The following RTL10 variants were observed in gnomAD, a reference collection of about 807,000 sequenced individuals.
The protein encoded by RTL10 is protein Bop.
For missense variants in RTL10, 477 were observed against 470.7 expected, an observed-to-expected ratio of 1.01 and a Z score of -0.12; for synonymous variants, 199 against 188.4, an observed-to-expected ratio of 1.06 and a Z score of -0.46.
chr22:19,852,100 G>A lies in RTL10; in HGVS notation c.162C>T (p.Asp54=), dbSNP rs940913326. 2 of 1,614,102 alleles carry A rather than the reference G, an allele frequency of 1.2e-6. No homozygotes were observed. The highest frequency in any genetic ancestry group is 1.7e-6 in the Non-Finnish European group (2 of 1,180,048). ...DPWIERPCCG[D]TVCVRTTMEQ... ...CCATGGTCGTTCGCACACACACGGTGTCCCCACAGCAGGGCCGCTCAATCC... is the reference window on the plus strand; with the variant it reads ...CCATGGTCGTTCGCACACACACGGTATCCCCACAGCAGGGCCGCTCAATCC... The change falls in exon 3 of 3, where the codon GAC becomes GAT. Residue 54 remains aspartate (D), a synonymous_variant. Transcript: ENST00000328554.
In RTL10 at chr22:19,847,803, G is replaced by GAAAAAAAAAAAAAAAA. The variant is rs1468350618; in HGVS notation, c.*3363_*3364insTTTTTTTTTTTTTTTT. 84 of 440,382 alleles carry GAAAAAAAAAAAAAAAA rather than the reference G, an allele frequency of 1.9e-4. 4 individuals carry two copies. In the East Asian group the frequency reaches 2.5e-3, roughly 13 times the overall value. The allele number at this position is 440,382 out of a possible 1,614,324, so 27.3% of individuals were successfully genotyped here. ...AACTTTTAAAATCCTGGAATCATAG[G>GAAAAAAAAAAAAAAAA]CAAAAAAAAAAAAAAAAAAAAATTC... On this transcript the variant is annotated 3_prime_UTR_variant, in exon 3 of 3. Coordinates refer to ENST00000328554, the MANE Select transcript of RTL10 (RefSeq NM_024627.6).
Position 19,847,747 on chromosome 22 carries a change from TCTC to T in RTL10, c.*3417_*3419del. ...CACCAACAGTATGAGAAGGTCCACT[TCTC>T]CATACCTCCACAACTCTGGGCATCT... On this transcript the variant is annotated 3_prime_UTR_variant, in exon 3 of 3. Transcript: ENST00000328554. The T allele has an allele frequency of 1.0e-6, 1 of 972,204 alleles. No homozygotes were observed. Among genetic ancestry groups the T allele is most frequent in the Non-Finnish European group, 1.2e-6 (1 of 825,794 alleles). 60.2% of individuals were successfully genotyped at this position (972,204 alleles called of 1,614,324 possible). A position where few individuals can be genotyped will look rare whatever the true frequency, so the allele number is the denominator to read the frequency against.
In RTL10 at chr22:19,848,500, C is replaced by CTGTCTGGA; in HGVS notation, c.*2659_*2666dup. On this transcript the variant is annotated 3_prime_UTR_variant, in exon 3 of 3. Coordinates refer to ENST00000328554, the MANE Select transcript of RTL10 (RefSeq NM_024627.6). ...CTCTGAAAGGAGCTGTGTGCACTGCCTGTCTGGAAGGCCATGCCAGAGTCC... is the reference window on the plus strand; with the variant it reads ...CTCTGAAAGGAGCTGTGTGCACTGCCTGTCTGGATGTCTGGAAGGCCATGCCAGAGTCC... The CTGTCTGGA allele has an allele frequency of 1.0e-6, 1 of 985,510 alleles. No homozygotes were observed. The highest frequency in any genetic ancestry group is 1.1e-4 in the East Asian group (1 of 8,816). The allele number at this position is 985,510 out of a possible 1,614,324, so 61.0% of individuals were successfully genotyped here.
chr22:19,853,129 C>T (rs563685667), intron 2 of RTL10, among the ~76,000 whole-genome samples: 2 of 152,124 alleles, frequency 1.3e-5, no homozygotes, highest in African/African-American at 4.8e-5. Flanking sequence ...TCCAAATTCA[C>T]CTCTCACAAC....
chr22:19,848,943 G>T lies in RTL10; in HGVS notation c.*2224C>A, dbSNP rs909756365. 1.8e-5 allele frequency: 18 copies of T among 985,400 alleles called. No individual in the cohort carries two copies. The African/African-American group carries it at 3.0e-4, about 16-fold the overall frequency. The allele number at this position is 985,400 out of a possible 1,614,324, so 61.0% of individuals were successfully genotyped here. On this transcript the variant is annotated 3_prime_UTR_variant, in exon 3 of 3. Coordinates refer to ENST00000328554, the MANE Select transcript of RTL10 (RefSeq NM_024627.6). ...TGTCCATCCTAGAGAGCAACTCTGG[G>T]TTCTACTGCCAGACCCACAGGTGAG...
Position 19,849,987 on chromosome 22 carries a change from C to T in RTL10, c.*1180G>A, listed in dbSNP as rs555829269. ...TCATTCCATTCCTCTGGGCCTGGGG[C>T]CTCACAGCTCTGGACTGCTGCCTGG... On this transcript the variant is annotated 3_prime_UTR_variant, in exon 3 of 3. Transcript: ENST00000328554. The T allele has an allele frequency of 1.0e-6, 1 of 985,522 alleles. No homozygotes were observed. Among genetic ancestry groups the T allele is most frequent in the East Asian group, 1.1e-4 (1 of 8,816 alleles). The allele number at this position is 985,522 out of a possible 1,614,324, so 61.0% of individuals were successfully genotyped here.
intron 2 of RTL10, among the ~76,000 whole-genome samples, chr22:19,853,477 C>A (rs188487002): frequency 2.0e-4 from 30 of 152,288 alleles, no homozygotes; most frequent in African/African-American, 6.7e-4. Context: ...CAAACGGAGG[C>A]CCACTCACGA....
chr22:19,846,383 C>T lies in RTL10; in HGVS notation c.*4784G>A, dbSNP rs935888090. The T allele has an allele frequency of 1.0e-6, 1 of 978,102 alleles. No homozygotes were observed. Among genetic ancestry groups the T allele is most frequent in the African/African-American group, 1.8e-5 (1 of 57,054 alleles). 60.6% of individuals were successfully genotyped at this position (978,102 alleles called of 1,614,324 possible). A position where few individuals can be genotyped will look rare whatever the true frequency, so the allele number is the denominator to read the frequency against. ...GATTTCTTAAGTGAGAAACAGCATCCCATACAGCACAACTGGGCACTGCCT... is the reference window on the plus strand; with the variant it reads ...GATTTCTTAAGTGAGAAACAGCATCTCATACAGCACAACTGGGCACTGCCT... On this transcript the variant is annotated 3_prime_UTR_variant, in exon 3 of 3. Coordinates refer to ENST00000328554, the MANE Select transcript of RTL10 (RefSeq NM_024627.6).
In RTL10 at chr22:19,849,659, T is replaced by A; in HGVS notation, c.*1508A>T. ...TGGGATTACAGGTGTGAGACACTGCTCCCGGCCAGTTTCTGAATAAGTTTA... is the reference window on the plus strand; with the variant it reads ...TGGGATTACAGGTGTGAGACACTGCACCCGGCCAGTTTCTGAATAAGTTTA... On this transcript the variant is annotated 3_prime_UTR_variant, in exon 3 of 3. Transcript: ENST00000328554. The A allele has an allele frequency of 1.0e-6, 1 of 984,370 alleles. No individual in the cohort carries two copies. Among genetic ancestry groups the A allele is most frequent in the South Asian group, 4.7e-5 (1 of 21,272 alleles). 61.0% of individuals were successfully genotyped at this position (984,370 alleles called of 1,614,324 possible).
At position 19,847,512 on chromosome 22, in the gene RTL10, G is replaced by A. The variant is rs2145902249; in HGVS notation, c.*3655C>T. On this transcript the variant is annotated 3_prime_UTR_variant, in exon 3 of 3. Transcript: ENST00000328554. The stretch of plus-strand genomic sequence containing the variant: ...TAACCACCCCATGAGGAAAAACTCT[G>A]GTCACAGCTCAAAAAGGTCAGGTAA... The A allele has an allele frequency of 1.0e-6, 1 of 985,356 alleles. No homozygotes were observed. 61.0% of individuals were successfully genotyped at this position (985,356 alleles called of 1,614,324 possible).
chr22:19,849,815 T>C lies in RTL10; in HGVS notation c.*1352A>G, dbSNP rs1938052448. ...TCACAATTGTAAACCTGAAAGGGAC[T>C]TGAACTTCTTGTCCAAGCACCAGAG... is the stretch of plus-strand genomic sequence containing the variant. On this transcript the variant is annotated 3_prime_UTR_variant, in exon 3 of 3. Transcript: ENST00000328554. 2.0e-6 allele frequency: 2 copies of C among 985,486 alleles called. No homozygotes were observed. Among genetic ancestry groups the C allele is most frequent in the Non-Finnish European group, 1.2e-6 (1 of 829,946 alleles). The allele number at this position is 985,486 out of a possible 1,614,324, so 61.0% of individuals were successfully genotyped here. A position where few individuals can be genotyped will look rare whatever the true frequency, so the allele number is the denominator to read the frequency against.
chr22:19,847,568 G>A lies in RTL10; in HGVS notation c.*3599C>T. The A allele has an allele frequency of 1.0e-6, 1 of 985,228 alleles. No individual in the cohort carries two copies. The allele number at this position is 985,228 out of a possible 1,614,324, so 61.0% of individuals were successfully genotyped here. ...CTCAGCTCATGCGGGGAGGGGAGGA[G>A]GCAAGGCCAACCTCCAGTCCCTGCT... On this transcript the variant is annotated 3_prime_UTR_variant, in exon 3 of 3. Transcript: ENST00000328554.
At position 19,847,898 on chromosome 22, in the gene RTL10, TAA is replaced by T; in HGVS notation, c.*3267_*3268del. ...CTTTAATCTGGAATATGTACTGGCA[TAA>T]AGAGTGAGGCACATACATGGCTTTA... On this transcript the variant is annotated 3_prime_UTR_variant, in exon 3 of 3. Coordinates refer to ENST00000328554, the MANE Select transcript of RTL10 (RefSeq NM_024627.6). The T allele has an allele frequency of 2.0e-6, 2 of 982,026 alleles. No individual in the cohort carries two copies. Among genetic ancestry groups the T allele is most frequent in the Non-Finnish European group, 2.4e-6 (2 of 827,370 alleles). 60.8% of individuals were successfully genotyped at this position (982,026 alleles called of 1,614,324 possible). A position where few individuals can be genotyped will look rare whatever the true frequency, so the allele number is the denominator to read the frequency against.
At position 19,851,325 on chromosome 22, in the gene RTL10, T is replaced by C. The variant is rs1050651990; in HGVS notation, c.937A>G (p.Arg313Gly). 8 of 1,613,998 alleles carry C rather than the reference T, an allele frequency of 5.0e-6. No homozygotes were observed. The highest frequency in any genetic ancestry group is 1.7e-5 in the Admixed American group (1 of 59,998). ...LSESANPPAQ[R>G]PDPAHPGGPK... Reference sequence around the variant, plus strand: ...CCTCCTGGATGAGCTGGGTCTGGTCTCTGGGCAGGAGGATTAGCTGACTCC... The same window carrying C: ...CCTCCTGGATGAGCTGGGTCTGGTCCCTGGGCAGGAGGATTAGCTGACTCC... The change falls in exon 3 of 3, where the codon AGA (arginine) becomes GGA (glycine). Residue 313 changes from arginine to glycine, a missense_variant. By Grantham distance (125) the Arg-to-Gly change is moderately radical (BLOSUM62 -2). Transcript: ENST00000328554.
intron 2 of RTL10, among the ~76,000 whole-genome samples, chr22:19,852,827 GC>G (rs1938141123): frequency 6.6e-6 from 1 of 152,134 alleles, no homozygotes; most frequent in Non-Finnish European, 1.5e-5. Context: ...TGTCTTTGAG[GC>G]ACACAGTGGT....
Position 19,846,960 on chromosome 22 carries a change from C to T in RTL10, c.*4207G>A, listed in dbSNP as rs780646002. On this transcript the variant is annotated 3_prime_UTR_variant, in exon 3 of 3. Coordinates refer to ENST00000328554, the MANE Select transcript of RTL10 (RefSeq NM_024627.6). ...ATGGATGCAGGCCCCTCCCATCCTCCCATCCTCAGCAGCACCAACCAGCCC... is the reference window on the plus strand; with the variant it reads ...ATGGATGCAGGCCCCTCCCATCCTCTCATCCTCAGCAGCACCAACCAGCCC... 2.0e-6 allele frequency: 2 copies of T among 985,494 alleles called. No homozygotes were observed. The highest frequency in any genetic ancestry group is 2.4e-6 in the Non-Finnish European group (2 of 829,984). 61.0% of individuals were successfully genotyped at this position (985,494 alleles called of 1,614,324 possible).
chr22:19,846,880 G>A lies in RTL10; in HGVS notation c.*4287C>T. The A allele has an allele frequency of 1.0e-6, 1 of 957,020 alleles. No homozygotes were observed. The highest frequency in any genetic ancestry group is 1.2e-6 in the Non-Finnish European group (1 of 803,886). 59.3% of individuals were successfully genotyped at this position (957,020 alleles called of 1,614,324 possible). ...AAATGTCTGTTGTTTAAGTCCCCTA[G>A]CCTGCGGTCCTTTGTCAGGCAGCCC... On this transcript the variant is annotated 3_prime_UTR_variant, in exon 3 of 3. Transcript: ENST00000328554.
In RTL10 at chr22:19,849,847, C is replaced by A; in HGVS notation, c.*1320G>T. 1 of 985,428 alleles carries A rather than the reference C, an allele frequency of 1.0e-6. No homozygotes were observed. The highest frequency in any genetic ancestry group is 1.2e-6 in the Non-Finnish European group (1 of 829,926). 61.0% of individuals were successfully genotyped at this position (985,428 alleles called of 1,614,324 possible). Reference sequence around the variant, plus strand: ...TCTTGTCCAAGCACCAGAGTGGGCACACACTGCACACACTGGGCGGCTGTA... The same window carrying A: ...TCTTGTCCAAGCACCAGAGTGGGCAAACACTGCACACACTGGGCGGCTGTA... On this transcript the variant is annotated 3_prime_UTR_variant, in exon 3 of 3. Coordinates refer to ENST00000328554, the MANE Select transcript of RTL10 (RefSeq NM_024627.6).
Position 19,851,137 on chromosome 22 carries a change from G to A in RTL10, c.*30C>T. 6.4e-7 allele frequency: 1 copy of A among 1,552,668 alleles called. No individual in the cohort carries two copies. The highest frequency in any genetic ancestry group is 8.7e-7 in the Non-Finnish European group (1 of 1,147,988). On this transcript the variant is annotated 3_prime_UTR_variant, in exon 3 of 3. Transcript: ENST00000328554. Reference sequence around the variant, plus strand: ...AGCCACACAGGCCACTTCATCATGAGGGGCAGCATTGTTCCCACCTGGGCT... The same window carrying A: ...AGCCACACAGGCCACTTCATCATGAAGGGCAGCATTGTTCCCACCTGGGCT...
Sources: gnomAD v4.1 joint callset for allele counts (sites outside exome capture counted in the v4.1 genomes callset) on GRCh38, gnomAD v4.1.1 for gene constraint, MANE v1.5 for transcripts, NCBI Gene and HGNC (gene_info 2026-07-23, HGNC 2026-07-21) for gene names.